Variants in ERC1 observed in about 807,000 individuals in gnomAD.
ERC1 encodes the protein ELKS/RAB6-interacting/CAST family member 1, also known as RAB6 interacting protein 2.
ERC1 carries 56 observed loss-of-function variants against 132.0 expected under a neutral mutation model. The observed-to-expected ratio is 0.42, with a 90% CI of 0.34 to 0.53. The LOEUF (loss-of-function observed/expected upper bound fraction) is 0.53, where lower values mean the gene tolerates loss of function less well. Among genes scored for constraint, ERC1 ranks in the 20% least tolerant of loss-of-function variants. ERC1 has a pLI of 0.03. For synonymous variants in ERC1, 478 were observed against 476.1 expected, an observed-to-expected ratio of 1.00 and a Z score of -0.05; for missense variants, 1,202 against 1,349.9, an observed-to-expected ratio of 0.89 and a Z score of 1.72.
Position 1,289,854 on chromosome 12 carries a change from G to A in ERC1, c.2622G>A (p.Val874=). 1 of 1,612,890 alleles carries A rather than the reference G, an allele frequency of 6.2e-7. No individual in the cohort carries two copies. Among genetic ancestry groups the A allele is most frequent in the Non-Finnish European group, 8.5e-7 (1 of 1,178,956 alleles). ...TCTCTTTCCCATATTTATGATAGGT[G>A]GAGGAGTTACTGATGGCCATGGAGA... The part of the protein sequence containing the change: ...ESARTNAEKQ[V]EELLMAMEKV... The change falls in exon 15 of 19, where the codon GTG becomes GTA. Residue 874 remains valine, a splice_region_variant and synonymous_variant. Coordinates refer to ENST00000360905, the MANE Select transcript of ERC1 (RefSeq NM_178040.4).
At chr12:1,472,922 A>AT (rs1436364109) in intron 18 of ERC1, among the ~76,000 whole-genome samples, 1 of 152,246 alleles carries the variant, frequency 6.6e-6, no homozygotes. Flanking sequence ...GTCCCTTTAT[A>AT]TCACCACTTG....
intron 2 of ERC1, among the ~76,000 whole-genome samples, chr12:1,045,113 G>A (rs1970880648): frequency 6.6e-6 from 1 of 152,032 alleles, no homozygotes; most frequent in Admixed American, 6.6e-5. Context: ...GGGCAACATA[G>A]AATGCTTAAA....
intron 17 of ERC1, among the ~76,000 whole-genome samples, chr12:1,433,658 A>G (rs2092867001): frequency 6.6e-6 from 1 of 152,162 alleles, no homozygotes; most frequent in African/African-American, 2.4e-5. Flanking sequence ...ATGAGATCTT[A>G]TTGCTTAAAC....
intron 18 of ERC1, among the ~76,000 whole-genome samples, chr12:1,489,686 G>A (rs958906952): frequency 6.6e-6 from 1 of 152,268 alleles, no homozygotes; most frequent in African/African-American, 2.4e-5. Flanking sequence ...AGCGATACAC[G>A]GCAAATGGAG....
intron 7 of ERC1, among the ~76,000 whole-genome samples, chr12:1,125,419 A>C (rs892687811): frequency 2.6e-5 from 4 of 152,208 alleles, no homozygotes; most frequent in Non-Finnish European, 5.9e-5. Context: ...AAAATAAATA[A>C]ATTAAAAGAT....
At chr12:1,414,491 A>G (rs999499111) in intron 17 of ERC1, among the ~76,000 whole-genome samples, 2 of 152,340 alleles carry the variant, frequency 1.3e-5, no homozygotes, top group Admixed American at 6.5e-5. Context: ...GGGTTTCAAC[A>G]TATGAATTTT....
chr12:1,344,719 T>C (rs1057253745), intron 15 of ERC1, among the ~76,000 whole-genome samples: 1 of 152,224 alleles, frequency 6.6e-6, no homozygotes, highest in African/African-American at 2.4e-5. Flanking sequence ...ATGTGCCAGA[T>C]TCCTGTCTGT....
intron 18 of ERC1, among the ~76,000 whole-genome samples, chr12:1,472,664 A>G (rs967001640): frequency 2.6e-5 from 4 of 151,500 alleles, no homozygotes; most frequent in East Asian, 1.9e-4. Flanking sequence ...GAAAAAAAAA[A>G]AGAGAAGAGA....
At chr12:1,024,690 C>T (rs1037218357) in intron 1 of ERC1, among the ~76,000 whole-genome samples, 1 of 151,580 alleles carries the variant, frequency 6.6e-6, no homozygotes, top group Non-Finnish European at 1.5e-5. Flanking sequence ...GCTAGGAAAT[C>T]AGAGAGATCT....
At chr12:1,479,561 A>T (rs770862078) in intron 18 of ERC1, among the ~76,000 whole-genome samples, 4 of 152,240 alleles carry the variant, frequency 2.6e-5, no homozygotes, top group Non-Finnish European at 5.9e-5. Context: ...AATGCAGGTA[A>T]CACATGTAGA....
chr12:1,484,149 C>CA (rs1197264159), intron 18 of ERC1, among the ~76,000 whole-genome samples: 12 of 151,642 alleles, frequency 7.9e-5, no homozygotes, highest in Non-Finnish European at 1.5e-4. Flanking sequence ...ACTAAAAATA[C>CA]AAAAAATTAG....
intron 12 of ERC1, among the ~76,000 whole-genome samples, chr12:1,228,265 T>A (rs1397337665): frequency 7.5e-6 from 1 of 132,888 alleles, no homozygotes; most frequent in Non-Finnish European, 1.6e-5. Context: ...TTGTTTCAAT[T>A]CATGAACAGA....
intron 17 of ERC1, among the ~76,000 whole-genome samples, chr12:1,429,570 T>G (rs1467944231): frequency 6.6e-6 from 1 of 152,246 alleles, no homozygotes; most frequent in Non-Finnish European, 1.5e-5. Flanking sequence ...ACGTCTGCCA[T>G]GTGCCTAACA....
At position 1,494,205 on chromosome 12, in the gene ERC1, T is replaced by G; in HGVS notation, c.*3975T>G. ...GCTCCTGGCCTCCTCTTCACCTGCC[T>G]GGGTTCGGAACTGAGGAGGAAGGAT... On this transcript the variant is annotated 3_prime_UTR_variant, in exon 19 of 19. Transcript: ENST00000360905. 4.3e-6 allele frequency: 1 copy of G among 232,276 alleles called. No homozygotes were observed. Among genetic ancestry groups the G allele is most frequent in the Admixed American group, 5.6e-5 (1 of 17,782 alleles). 14.4% of individuals were successfully genotyped at this position (232,276 alleles called of 1,614,324 possible).
intron 18 of ERC1, among the ~76,000 whole-genome samples, chr12:1,470,537 G>A (rs931970877): frequency 6.6e-6 from 1 of 151,844 alleles, no homozygotes; most frequent in African/African-American, 2.4e-5. Context: ...AGCTAACCTG[G>A]CTGTGTCTGC....
intron 16 of ERC1, 141 bp from the exon 17 acceptor site, chr12:1,408,008 C>T (rs2091616521): frequency 4.9e-6 from 3 of 610,892 alleles, no homozygotes; most frequent in Admixed American, 5.7e-5. Flanking sequence ...CCAGTATCCT[C>T]AGAAATCCCA....
chr12:1,113,332 T>G (rs1946096051), intron 6 of ERC1, among the ~76,000 whole-genome samples: 1 of 152,198 alleles, frequency 6.6e-6, no homozygotes. Flanking sequence ...AGACATATTA[T>G]CAACTCCAAA....
At position 1,020,360 on chromosome 12, in the gene ERC1, G is replaced by A. The variant is rs538234302; in HGVS notation, c.-156-7388G>A. Among the ~76,000 whole-genome samples, 3 of 152,338 alleles carry A rather than the reference G, an allele frequency of 2.0e-5. No homozygotes were observed. The South Asian group carries it at 6.2e-4, about 32-fold the overall frequency. ...TAATCCCAGCTACTTGGGAGGCTGA[G>A]GCAGGAGAATCGCTTGAACCTGGGA... On this transcript the variant is annotated intron_variant, in intron 1 of 18. Transcript: ENST00000360905.
At chr12:1,044,698 A>G (rs79658814) in intron 2 of ERC1, among the ~76,000 whole-genome samples, 4,310 of 152,268 alleles carry the variant, frequency 0.028, 84 homozygotes, top group South Asian at 0.092. Flanking sequence ...ATGATCTGCT[A>G]CCAGAGGCAA....
Sources: gnomAD v4.1 joint callset for allele counts (sites outside exome capture counted in the v4.1 genomes callset) on GRCh38, gnomAD v4.1.1 for gene constraint, MANE v1.5 for transcripts, NCBI Gene and HGNC (gene_info 2026-07-23, HGNC 2026-07-21) for gene names.